The following ACSL5 variants were observed in gnomAD, a reference collection of about 807,000 sequenced individuals.
ACSL5 encodes the protein long-chain-fatty-acid--CoA ligase 5.
In ACSL5, 50 loss-of-function variants were observed where a neutral mutation model predicts 84.9. That is an observed-to-expected ratio of 0.59 (90% CI 0.47 to 0.75). The LOEUF (loss-of-function observed/expected upper bound fraction) is 0.75, where lower values mean the gene tolerates loss of function less well. Among genes scored for constraint, ACSL5 ranks in the 30% least tolerant of loss-of-function variants. The pLI, the probability that ACSL5 is intolerant of heterozygous loss-of-function variation, is 0.00. For missense variants in ACSL5, 775 were observed against 830.4 expected (o/e 0.93, Z 0.82); for synonymous variants, 280 against 300.7 (o/e 0.93, Z 0.71).
intron 3 of ACSL5, among the ~76,000 whole-genome samples, chr10:112,402,742 C>G (rs998485214): frequency 3.3e-5 from 5 of 152,148 alleles, no homozygotes; most frequent in African/African-American, 1.2e-4. Flanking sequence ...CCTAGTAACT[C>G]TCTTTCTGAA....
chr10:112,376,192 A>G, intron 1 of ACSL5: 2 of 1,424,462 alleles, frequency 1.4e-6, no homozygotes, highest in Non-Finnish European at 1.9e-6. Flanking sequence ...TTGTGAAAAA[A>G]AAAATTAAAA....
rs1844134022 is a variant in ACSL5, at chr10:112,409,629, C to T, written c.655C>T (p.Leu219=). The T allele has an allele frequency of 1.2e-6, 2 of 1,614,002 alleles. No homozygotes were observed. Among genetic ancestry groups the T allele is most frequent in the Non-Finnish European group, 1.7e-6 (2 of 1,180,016 alleles). Residue 219 remains leucine, a synonymous_variant, in exon 7 of 21, where the codon CTG becomes TTG. Coordinates refer to ENST00000354655, the MANE Select transcript of ACSL5 (RefSeq NM_203379.2). Reference sequence around the variant, plus strand: ...CCTTATGGACCCCTTTGATGATGACCTGAAGCAAAGAGGGGAGAAGAGTGG... The same window carrying T: ...CCTTATGGACCCCTTTGATGATGACTTGAAGCAAAGAGGGGAGAAGAGTGG... The part of the protein sequence containing the change: ...IILMDPFDDD[L]KQRGEKSGIE...
At chr10:112,413,124 C>A (rs1844223894) in intron 11 of ACSL5, 49 bp from the exon 12 acceptor site, 2 of 1,604,516 alleles carry the variant, frequency 1.2e-6, no homozygotes, top group Non-Finnish European at 1.7e-6. Flanking sequence ...CAGGTCCCCA[C>A]TAAAGGGGTT....
In ACSL5 at chr10:112,409,565, T is replaced by C. The variant is rs1159620742; in HGVS notation, c.591T>C (p.Asn197=). The C allele has an allele frequency of 6.2e-7, 1 of 1,614,016 alleles. No individual in the cohort carries two copies. Among genetic ancestry groups the C allele is most frequent in the South Asian group, 1.1e-5 (1 of 91,058 alleles). Residue 197 remains asparagine, a synonymous_variant, in exon 7 of 21, where the codon AAT becomes AAC. Transcript: ENST00000354655. ...AAAAGGCATTGGTGCTGATAGGGAA[T>C]GTAGAGAAAGGCTTCACCCCGAGCC... ...TPQKALVLIG[N]VEKGFTPSLK...
chr10:112,425,572 G>A (rs1844639120), intron 18 of ACSL5, 91 bp downstream of exon 18: 4 of 922,940 alleles, frequency 4.3e-6, no homozygotes, highest in Non-Finnish European at 6.0e-6. Flanking sequence ...GGTTCAGAAT[G>A]AGAAGATCCA....
chr10:112,404,605 T>C (rs1684973320), intron 4 of ACSL5, 30 bp downstream of exon 4: 2 of 1,606,720 alleles, frequency 1.2e-6, no homozygotes, highest in Non-Finnish European at 1.7e-6. Flanking sequence ...TTAGACAGAT[T>C]CTTTCTAACA....
At chr10:112,377,876 T>C (rs1465124924) in intron 1 of ACSL5, among the ~76,000 whole-genome samples, 1 of 152,188 alleles carries the variant, frequency 6.6e-6, no homozygotes, top group Admixed American at 6.5e-5. Context: ...TGGTGGAAAC[T>C]TTAGCAAAAT....
rs766550608 is a variant in ACSL5 at position 112,422,419 on chromosome 10, G to T, written c.1571G>T (p.Gly524Val). The T allele has an allele frequency of 6.2e-7, 1 of 1,614,136 alleles. No individual in the cohort carries two copies. Among genetic ancestry groups the T allele is most frequent in the Non-Finnish European group, 8.5e-7 (1 of 1,179,988 alleles). ...ALDSDGWLHT[G>V]DIGRWLPNGT... The stretch of plus-strand genomic sequence containing the variant: ...GACAGTGATGGCTGGCTTCACACAG[G>T]AGACATTGGTCGCTGGCTCCCGGTA... Residue 524 changes from glycine to valine, a missense_variant, in exon 17 of 21, where the codon GGA becomes GTA. Coordinates refer to ENST00000354655, the MANE Select transcript of ACSL5 (RefSeq NM_203379.2).
intron 17 of ACSL5, 96 bp from the exon 18 acceptor site, chr10:112,425,242 C>T: frequency 2.6e-6 from 3 of 1,171,214 alleles, no homozygotes; most frequent in Non-Finnish European, 3.6e-6. Context: ...GAGAAATCAG[C>T]TTTAGAGAAG....
At chr10:112,391,092 G>A (rs955991791) in intron 1 of ACSL5, among the ~76,000 whole-genome samples, 28 of 152,152 alleles carry the variant, frequency 1.8e-4, no homozygotes, top group African/African-American at 6.8e-4. Context: ...TAAAAATTGA[G>A]GAAGGGCCAG....
intron 1 of ACSL5, among the ~76,000 whole-genome samples, chr10:112,385,434 G>T (rs1412465075): frequency 6.6e-6 from 1 of 152,204 alleles, no homozygotes. Context: ...TTTATGATGT[G>T]TAGAGGGCAA....
At chr10:112,403,647 G>A (rs1843959333) in intron 3 of ACSL5, among the ~76,000 whole-genome samples, 1 of 152,210 alleles carries the variant, frequency 6.6e-6, no homozygotes, top group Non-Finnish European at 1.5e-5. Flanking sequence ...AACTTGATAT[G>A]ATAGGAGAAA....
At chr10:112,408,633 T>A in intron 6 of ACSL5, 112 bp downstream of exon 6, 1 of 776,774 alleles carries the variant, frequency 1.3e-6, no homozygotes. Context: ...TGAAATGCTG[T>A]GGTCGGAAAA....
At chr10:112,424,005 A>C (rs1727851880) in intron 17 of ACSL5, among the ~76,000 whole-genome samples, 1 of 152,232 alleles carries the variant, frequency 6.6e-6, no homozygotes, top group African/African-American at 2.4e-5. Flanking sequence ...TTGGTTTGAT[A>C]ATGCCGTTGG....
At chr10:112,421,153 C>T (rs12249181) in intron 14 of ACSL5, among the ~76,000 whole-genome samples, 4,684 of 151,184 alleles carry the variant, frequency 0.031, 246 homozygotes, top group African/African-American at 0.11. Flanking sequence ...TTTGTTTGTT[C>T]GTTTGTTTGT....
chr10:112,413,542 A>G (rs1235186341), intron 12 of ACSL5, among the ~76,000 whole-genome samples: 1 of 152,154 alleles, frequency 6.6e-6, no homozygotes, highest in African/African-American at 2.4e-5. Context: ...CCTGGCCAAC[A>G]TGGTGAAACC....
chr10:112,403,975 T>C (rs1247986785), intron 3 of ACSL5, among the ~76,000 whole-genome samples: 9 of 152,220 alleles, frequency 5.9e-5, no homozygotes, highest in Non-Finnish European at 1.3e-4. Flanking sequence ...GGTATCAAAG[T>C]ATTATATTCA....
intron 12 of ACSL5, among the ~76,000 whole-genome samples, chr10:112,415,149 GTATAA>G (rs1249279175): frequency 6.6e-6 from 1 of 152,064 alleles, no homozygotes; most frequent in Non-Finnish European, 1.5e-5. Context: ...GATAGTTATT[GTATAA>G]TATAATACCT....
intron 2 of ACSL5, 119 bp from the exon 3 acceptor site, chr10:112,398,782 A>C: frequency 6.5e-6 from 5 of 772,974 alleles, no homozygotes; most frequent in African/African-American, 1.7e-5. Flanking sequence ...TGACTAGCGA[A>C]GAGAACATTC....
Sources: gnomAD v4.1 joint callset for allele counts (sites outside exome capture counted in the v4.1 genomes callset) on GRCh38, gnomAD v4.1.1 for gene constraint, MANE v1.5 for transcripts, NCBI Gene and HGNC (gene_info 2026-07-23, HGNC 2026-07-21) for gene names.